MAGI1: variants seen among roughly 807,000 people sequenced by gnomAD.
MAGI1 encodes membrane-associated guanylate kinase, WW and PDZ domain-containing protein 1.
MAGI1 carries 58 observed loss-of-function variants against 139.9 expected under a neutral mutation model. The observed-to-expected ratio is 0.41, with a 90% confidence interval of 0.34 to 0.52. MAGI1 has a LOEUF of 0.52. Among genes scored for constraint, MAGI1 ranks in the 20% least tolerant of loss-of-function variants. The probability of loss-of-function intolerance (pLI) is 0.12; values close to 1 mark genes in which losing one functional copy is unlikely to be tolerated. For missense variants in MAGI1, 1,874 were observed against 1,901.6 expected, an observed-to-expected ratio of 0.99 and a Z score of 0.27; for synonymous variants, 812 against 737.9, an observed-to-expected ratio of 1.10 and a Z score of -1.63.
chr3:65,401,120 T>A (rs1046075706), intron 13 of MAGI1, among the ~76,000 whole-genome samples: 6 of 152,162 alleles, frequency 3.9e-5, no homozygotes, highest in Non-Finnish European at 7.3e-5. Flanking sequence ...AGCATTTGTA[T>A]CAAGTGAAAA....
At chr3:65,382,107 C>T (rs1205861990) in intron 15 of MAGI1, 38 bp from the exon 16 acceptor site, 1 of 1,478,766 alleles carries the variant, frequency 6.8e-7, no homozygotes, top group South Asian at 1.2e-5. Flanking sequence ...ACATTGCTCT[C>T]CTATGTTTAC....
At chr3:65,623,525 C>T (rs2083800882) in intron 1 of MAGI1, among the ~76,000 whole-genome samples, 2 of 152,194 alleles carry the variant, frequency 1.3e-5, no homozygotes, top group African/African-American at 4.8e-5. Context: ...TAGGCTGAGA[C>T]TGTCTTTCCA....
At chr3:65,748,197 A>T (rs1291815378) in intron 1 of MAGI1, among the ~76,000 whole-genome samples, 2 of 152,194 alleles carry the variant, frequency 1.3e-5, no homozygotes, top group Non-Finnish European at 2.9e-5. Context: ...CTCTTATTTT[A>T]TTCCTAAAGG....
chr3:65,941,121 G>A (rs183562785), intron 1 of MAGI1, among the ~76,000 whole-genome samples: 35 of 152,230 alleles, frequency 2.3e-4, no homozygotes, highest in African/African-American at 7.9e-4. Flanking sequence ...TGAGGTGGGC[G>A]GATCACCTGA....
intron 1 of MAGI1, among the ~76,000 whole-genome samples, chr3:65,633,738 G>GA (rs35666371): frequency 0.029 from 4,376 of 151,772 alleles, 87 homozygotes; most frequent in Middle Eastern, 0.061. Flanking sequence ...CATCTGTTCA[G>GA]AAAAAAAATA....
At chr3:65,452,944 T>C (rs1046717762) in intron 6 of MAGI1, 5 of 255,754 alleles carry the variant, frequency 2.0e-5, no homozygotes, top group Non-Finnish European at 3.0e-5. Flanking sequence ...GGTTTCTTTA[T>C]TCCTAGAGAC....
intron 1 of MAGI1, among the ~76,000 whole-genome samples, chr3:65,832,205 C>T (rs984230229): frequency 6.6e-6 from 1 of 152,194 alleles, no homozygotes; most frequent in East Asian, 1.9e-4. Context: ...CTAGGCACCA[C>T]ATTTAACTGG....
intron 1 of MAGI1, among the ~76,000 whole-genome samples, chr3:66,029,887 T>C (rs181186202): frequency 4.5e-4 from 68 of 152,350 alleles, no homozygotes; most frequent in African/African-American, 1.5e-3. Context: ...GTGACTCTAG[T>C]AGCCTCAGCT....
At chr3:65,776,035 C>T (rs556717056) in intron 1 of MAGI1, among the ~76,000 whole-genome samples, 6 of 152,058 alleles carry the variant, frequency 3.9e-5, no homozygotes, top group East Asian at 1.9e-4. Context: ...CCATAAATCC[C>T]GTACTTACTT....
chr3:65,382,603 A>G (rs1943143477), intron 15 of MAGI1, among the ~76,000 whole-genome samples: 1 of 152,342 alleles, frequency 6.6e-6, no homozygotes, highest in Admixed American at 6.5e-5. Flanking sequence ...TTTGCCATTC[A>G]CTAAACCTTA....
At chr3:65,609,483 T>G (rs1290013138) in intron 2 of MAGI1, among the ~76,000 whole-genome samples, 1 of 152,032 alleles carries the variant, frequency 6.6e-6, no homozygotes, top group Non-Finnish European at 1.5e-5. Flanking sequence ...TTTACCATGT[T>G]GGTCAGGCTT....
chr3:66,001,830 C>T (rs1245344515), intron 1 of MAGI1, among the ~76,000 whole-genome samples: 2 of 152,144 alleles, frequency 1.3e-5, no homozygotes, highest in Non-Finnish European at 2.9e-5. Context: ...ATTGCTTGTC[C>T]ACAGGCCAAG....
At chr3:65,970,110 T>C (rs1236171372) in intron 1 of MAGI1, among the ~76,000 whole-genome samples, 1 of 152,202 alleles carries the variant, frequency 6.6e-6, no homozygotes, top group East Asian at 1.9e-4. Context: ...AACAGATGAA[T>C]GAATAAACAA....
intron 1 of MAGI1, among the ~76,000 whole-genome samples, chr3:65,816,635 G>T (rs76933297): frequency 1.1e-5 from 1 of 87,558 alleles, no homozygotes; most frequent in Non-Finnish European, 2.4e-5. Flanking sequence ...GTAGCTAACA[G>T]GGGAAAAAAA....
chr3:65,559,444 C>G (rs1405884939), intron 2 of MAGI1, among the ~76,000 whole-genome samples: 1 of 152,176 alleles, frequency 6.6e-6, no homozygotes, highest in African/African-American at 2.4e-5. Context: ...TTCCAAAATA[C>G]TAATCATAAC....
intron 1 of MAGI1, among the ~76,000 whole-genome samples, chr3:65,801,242 T>A (rs1422971158): frequency 6.6e-6 from 1 of 152,212 alleles, no homozygotes; most frequent in Non-Finnish European, 1.5e-5. Flanking sequence ...GGGTTTAGCT[T>A]CAAGTTAAAC....
rs1373392364 is a variant in MAGI1, at chr3:65,530,732, TATATATATGCAC to T, written c.431-37113_431-37102del. Among the ~76,000 whole-genome samples the T allele has an allele frequency of 9.5e-5, 11 of 116,336 alleles. 1 individual carries two copies. Among genetic ancestry groups the T allele is most frequent in the Non-Finnish European group, 1.5e-4 (9 of 59,576 alleles). The allele number at this position is 116,336 out of a possible 152,430, so 76.3% of individuals were successfully genotyped here. A position where few individuals can be genotyped will look rare whatever the true frequency, so the allele number is the denominator to read the frequency against. ...ACACGTGTATATATATACACACGTA[TATATATATGCAC>T]ATATATATACACGTATATATATATA... On this transcript the variant is annotated intron_variant, in intron 2 of 22. Transcript: ENST00000402939.
intron 1 of MAGI1, among the ~76,000 whole-genome samples, chr3:65,915,995 T>G (rs549735038): frequency 6.7e-6 from 1 of 148,742 alleles, no homozygotes; most frequent in African/African-American, 2.4e-5. Flanking sequence ...ATATATAATA[T>G]GTATATATTT....
At chr3:65,512,418 T>A (rs1427718533) in intron 2 of MAGI1, among the ~76,000 whole-genome samples, 1 of 143,668 alleles carries the variant, frequency 7.0e-6, no homozygotes, top group Admixed American at 7.0e-5. Flanking sequence ...GCAAGACTAA[T>A]AAAGAAAAAA....
Sources: allele counts gnomAD v4.1 joint callset (sites outside exome capture counted in the v4.1 genomes callset), GRCh38; gene constraint gnomAD v4.1.1; transcripts MANE v1.5; gene names NCBI Gene and HGNC (gene_info 2026-07-23, HGNC 2026-07-21).